Variants in CDH13 observed in about 807,000 individuals in gnomAD.
CDH13 encodes the protein cadherin-13.
In CDH13, 24 loss-of-function variants were observed where a neutral mutation model predicts 63.8. That is an observed-to-expected ratio of 0.38 (90% CI 0.27 to 0.53). CDH13 has a LOEUF of 0.53. Among genes scored for constraint, CDH13 ranks in the 20% least tolerant of loss-of-function variants. The pLI is 0.85. For synonymous variants in CDH13, 503 were observed against 355.3 expected, an observed-to-expected ratio of 1.42 and a Z score of -4.67; for missense variants, 1,049 against 903.1, an observed-to-expected ratio of 1.16 and a Z score of -2.07.
chr16:83,628,046 C>G (rs1910474778), intron 8 of CDH13, among the ~76,000 whole-genome samples: 2 of 152,130 alleles, frequency 1.3e-5, no homozygotes, highest in South Asian at 4.1e-4. Flanking sequence ...CTGGAGGTCA[C>G]TCTCATCGCC....
intron 11 of CDH13, among the ~76,000 whole-genome samples, chr16:83,763,019 C>T (rs772030097): frequency 1.3e-5 from 2 of 152,168 alleles, no homozygotes; most frequent in African/African-American, 4.8e-5. Context: ...ACCATCTCTA[C>T]GGGGCCCGTA....
chr16:83,373,165 C>G (rs557672971), intron 6 of CDH13, among the ~76,000 whole-genome samples: 1 of 152,102 alleles, frequency 6.6e-6, no homozygotes, highest in Admixed American at 6.5e-5. Flanking sequence ...AAAACGTTTG[C>G]CGTGCATAAC....
intron 6 of CDH13, among the ~76,000 whole-genome samples, chr16:83,379,155 G>A (rs1005495083): frequency 6.6e-6 from 1 of 152,076 alleles, no homozygotes; most frequent in Non-Finnish European, 1.5e-5. Flanking sequence ...ATTATTCTTA[G>A]CCTTTTTAAA....
rs1266347494 is a variant in CDH13 at position 83,179,865 on chromosome 16, A to T, written c.484-37480A>T. Among the ~76,000 whole-genome samples, 3 of 151,820 alleles carry T rather than the reference A, an allele frequency of 2.0e-5. No individual in the cohort carries two copies. In the East Asian group the frequency reaches 5.8e-4, roughly 29 times the overall value. On this transcript the variant is annotated intron_variant, in intron 4 of 13. Transcript: ENST00000567109. Reference sequence around the variant, plus strand: ...AGCATCAAACTAAAGTTAGTTCAACATATATTCCTATCAAAATAGGTTAAG... The same window carrying T: ...AGCATCAAACTAAAGTTAGTTCAACTTATATTCCTATCAAAATAGGTTAAG...
intron 1 of CDH13, among the ~76,000 whole-genome samples, chr16:82,631,493 C>T (rs543300729): frequency 6.6e-6 from 1 of 152,320 alleles, no homozygotes; most frequent in African/African-American, 2.4e-5. Flanking sequence ...AACCAAGTGA[C>T]CAGTGGTTTT....
chr16:83,459,100 T>C (rs1290503999), intron 6 of CDH13, among the ~76,000 whole-genome samples: 2 of 152,242 alleles, frequency 1.3e-5, no homozygotes, highest in Non-Finnish European at 2.9e-5. Context: ...AACTTTTTGT[T>C]TGTTTGGTTT....
chr16:83,730,941 C>T (rs981368168), intron 10 of CDH13, among the ~76,000 whole-genome samples: 8 of 152,304 alleles, frequency 5.3e-5, no homozygotes, highest in South Asian at 4.1e-4. Context: ...TGTGCTAATT[C>T]GCTTAGGTTA....
At chr16:83,357,647 G>C (rs778534705) in intron 6 of CDH13, among the ~76,000 whole-genome samples, 107 of 152,268 alleles carry the variant, frequency 7.0e-4, no homozygotes, top group Non-Finnish European at 1.4e-3. Flanking sequence ...AGCGGGCCAA[G>C]GTCAAGGACT....
intron 2 of CDH13, among the ~76,000 whole-genome samples, chr16:82,977,585 G>T (rs1409660284): frequency 2.0e-5 from 3 of 152,148 alleles, no homozygotes; most frequent in African/African-American, 7.2e-5. Flanking sequence ...CATCCACCAT[G>T]ATTGTAAATT....
intron 6 of CDH13, among the ~76,000 whole-genome samples, chr16:83,389,725 T>G (rs1567637709): frequency 6.6e-6 from 1 of 152,146 alleles, no homozygotes; most frequent in Non-Finnish European, 1.5e-5. Context: ...CCCCTCAAAC[T>G]CCAATGAATT....
At chr16:83,647,245 G>A (rs1176152340) in intron 8 of CDH13, among the ~76,000 whole-genome samples, 1 of 150,608 alleles carries the variant, frequency 6.6e-6, no homozygotes, top group Admixed American at 6.6e-5. Context: ...GGGAGGCGGA[G>A]CTTGCAGTGA....
At chr16:82,784,041 C>G (rs991275093) in intron 1 of CDH13, among the ~76,000 whole-genome samples, 1 of 152,146 alleles carries the variant, frequency 6.6e-6, no homozygotes, top group African/African-American at 2.4e-5. Flanking sequence ...TCCTTTTTCA[C>G]TCTTGCCCAG....
intron 8 of CDH13, among the ~76,000 whole-genome samples, chr16:83,659,580 GC>G (rs1247705735): frequency 6.6e-6 from 1 of 152,188 alleles, no homozygotes; most frequent in Non-Finnish European, 1.5e-5. Context: ...GTATGCCTGG[GC>G]CCCATCCAAG....
chr16:83,359,053 C>T (rs1055550459), intron 6 of CDH13, among the ~76,000 whole-genome samples: 1 of 152,080 alleles, frequency 6.6e-6, no homozygotes, highest in Non-Finnish European at 1.5e-5. Context: ...CTTTAAAGGG[C>T]TCTAGAAGGT....
intron 1 of CDH13, among the ~76,000 whole-genome samples, chr16:82,641,315 A>C (rs1597193123): frequency 6.6e-6 from 1 of 152,224 alleles, no homozygotes; most frequent in East Asian, 1.9e-4. Flanking sequence ...AGCAGAAAAA[A>C]TGGAAAGGTA....
chr16:83,088,332 CA>C (rs1597311615), intron 3 of CDH13, among the ~76,000 whole-genome samples: 1 of 152,288 alleles, frequency 6.6e-6, no homozygotes, highest in East Asian at 1.9e-4. Flanking sequence ...GTTTAAATGT[CA>C]GGGTTGTCAC....
At chr16:82,782,947 A>C (rs1486536739) in intron 1 of CDH13, among the ~76,000 whole-genome samples, 1 of 152,148 alleles carries the variant, frequency 6.6e-6, no homozygotes, top group African/African-American at 2.4e-5. Context: ...CTACTTCCCA[A>C]ACAAGAACAT....
In CDH13 at chr16:83,581,865, A is replaced by G. The variant is rs574877654; in HGVS notation, c.961-20589A>G. 4.9e-4 allele frequency among the ~76,000 whole-genome samples: 75 copies of G among 152,326 alleles called. 1 individual carries two copies. Among genetic ancestry groups the G allele is most frequent in the African/African-American group, 1.7e-3 (72 of 41,576 alleles). On this transcript the variant is annotated intron_variant, in intron 7 of 13. Coordinates refer to ENST00000567109, the MANE Select transcript of CDH13 (RefSeq NM_001257.5). ...TAAAAGAAAACTGAGTCTCCACCCT[A>G]GAACTTTCTCCCTTTTTATTTCATC...
intron 6 of CDH13, among the ~76,000 whole-genome samples, chr16:83,451,421 C>G (rs1221833494): frequency 6.6e-6 from 1 of 152,192 alleles, no homozygotes; most frequent in Non-Finnish European, 1.5e-5. Context: ...TAGTTACCTC[C>G]CACCAGGTCC....
Sources: allele counts gnomAD v4.1 joint callset (sites outside exome capture counted in the v4.1 genomes callset), GRCh38; gene constraint gnomAD v4.1.1; transcripts MANE v1.5; gene names NCBI Gene and HGNC (gene_info 2026-07-23, HGNC 2026-07-21).